The following ADK variants were observed in gnomAD, a reference collection of about 807,000 sequenced individuals.
ADK encodes the protein adenosine kinase, also known as N6,N6-dimethyladenosine kinase.
A neutral mutation model predicts 44.7 loss-of-function variants in ADK; 24 were observed. That is an observed-to-expected ratio of 0.54 (90% CI 0.39 to 0.76). The LOEUF (loss-of-function observed/expected upper bound fraction) is 0.76. Among genes scored for constraint, ADK ranks in the 30% least tolerant of loss-of-function variants. The pLI is 0.00. For missense variants in ADK, 321 were observed against 425.1 expected (o/e 0.76, Z 2.15); for synonymous variants, 128 against 142.6 (o/e 0.90, Z 0.73).
intron 6 of ADK, among the ~76,000 whole-genome samples, chr10:74,407,430 C>T (rs1017353017): frequency 7.2e-5 from 11 of 152,152 alleles, no homozygotes; most frequent in African/African-American, 2.7e-4. Context: ...CTTATGTTGT[C>T]ATGTGCTTTC....
Position 74,701,720 on chromosome 10 carries a change from G to A in ADK, c.965-6601G>A, listed in dbSNP as rs148284673. On this transcript the variant is annotated intron_variant, in intron 10 of 10. Transcript: ENST00000539909. ...AGCACTTTGGGAGGCTGAGGTGGGC[G>A]GATCACCTTAGGTTGGGAGTCTGAG... Among the ~76,000 whole-genome samples, 140 of 152,258 alleles carry A rather than the reference G, an allele frequency of 9.2e-4. No individual in the cohort carries two copies. In the East Asian group the frequency reaches 0.014, roughly 15 times the overall value.
intron 6 of ADK, among the ~76,000 whole-genome samples, chr10:74,467,585 C>T (rs574817507): frequency 6.6e-6 from 1 of 152,072 alleles, no homozygotes; most frequent in South Asian, 2.1e-4. Context: ...CAGATAATTT[C>T]ATAGTAGAAT....
chr10:74,695,619 G>GGGT (rs1480624866), intron 10 of ADK, among the ~76,000 whole-genome samples: 1,304 of 90,096 alleles, frequency 0.014, 20 homozygotes, highest in South Asian at 0.036. Flanking sequence ...GTATGTGTGG[G>GGGT]GTGTGTGTGT....
chr10:74,509,737 TC>T (rs2133508452), intron 6 of ADK, among the ~76,000 whole-genome samples: 1 of 152,280 alleles, frequency 6.6e-6, no homozygotes, highest in South Asian at 2.1e-4. Flanking sequence ...ATCCTTCCTT[TC>T]CCCCTACTTT....
Position 74,201,550 on chromosome 10 carries a change from T to C in ADK, c.140+712T>C, listed in dbSNP as rs372246386. ...TTAGTTAGTTGTTGTTAATCTCTTA[T>C]TGTGCCTAATTTATAAATGAAACTT... On this transcript the variant is annotated intron_variant, in intron 2 of 10. Coordinates refer to ENST00000539909, the MANE Select transcript of ADK (RefSeq NM_006721.4). Among the ~76,000 whole-genome samples the C allele has an allele frequency of 4.4e-4, 67 of 152,298 alleles. 2 individuals are homozygous for C. The highest frequency in any genetic ancestry group is 1.3e-3 in the African/African-American group (56 of 41,568).
chr10:74,622,735 C>T (rs1371391847), intron 9 of ADK, among the ~76,000 whole-genome samples: 2 of 152,120 alleles, frequency 1.3e-5, no homozygotes, highest in African/African-American at 4.8e-5. Context: ...CGGCCTGGTG[C>T]GGTGGCTCAT....
intron 7 of ADK, among the ~76,000 whole-genome samples, chr10:74,574,003 GCTGCACCCACTGTC>G (rs1564799857): frequency 9.9e-5 from 15 of 152,126 alleles, no homozygotes. Context: ...CGCACAGTGC[GCTGCACCCACTGTC>G]CTGCGCCCAC....
chr10:74,546,704 T>A (rs1849829767), intron 7 of ADK, among the ~76,000 whole-genome samples: 2 of 152,120 alleles, frequency 1.3e-5, no homozygotes, highest in Admixed American at 6.5e-5. Flanking sequence ...AGGAAAATAA[T>A]TGGGAATGTA....
At chr10:74,592,381 G>A (rs1447611274) in intron 8 of ADK, among the ~76,000 whole-genome samples, 1 of 152,048 alleles carries the variant, frequency 6.6e-6, no homozygotes, top group Non-Finnish European at 1.5e-5. Flanking sequence ...GTGCTCAAAA[G>A]CATGTTTCAT....
chr10:74,401,102 CA>C (rs1217826580), intron 6 of ADK, among the ~76,000 whole-genome samples: 1 of 152,112 alleles, frequency 6.6e-6, no homozygotes, highest in East Asian at 1.9e-4. Context: ...ATGTTTAAAC[CA>C]GCTTCTCAGA....
chr10:74,359,581 A>T (rs570080866), intron 4 of ADK, among the ~76,000 whole-genome samples: 1 of 152,156 alleles, frequency 6.6e-6, no homozygotes, highest in South Asian at 2.1e-4. Flanking sequence ...ATGGTAGCAT[A>T]CACTTGTAGT....
At position 74,272,878 on chromosome 10, in the gene ADK, A is replaced by G. The variant is rs181559543; in HGVS notation, c.195-41789A>G. Among the ~76,000 whole-genome samples, 60 of 152,110 alleles carry G rather than the reference A, an allele frequency of 3.9e-4. No homozygotes were observed. In the East Asian group the frequency reaches 0.011, roughly 28 times the overall value. ...ACCCCTGTTCAACTTCAGTCAGCCC[A>G]TGGTCTATAGTATACCTCTCACAAG... is the stretch of plus-strand genomic sequence containing the variant. On this transcript the variant is annotated intron_variant, in intron 3 of 10. Transcript: ENST00000539909.
In ADK at chr10:74,693,367, C is replaced by T. The variant is rs143715722; in HGVS notation, c.965-14954C>T. Among the ~76,000 whole-genome samples, 1,238 of 152,206 alleles carry T rather than the reference C, an allele frequency of 8.1e-3. 22 individuals are homozygous for T. The highest frequency in any genetic ancestry group is 0.028 in the African/African-American group (1,154 of 41,534). On this transcript the variant is annotated intron_variant, in intron 10 of 10. Transcript: ENST00000539909. Reference sequence around the variant, plus strand: ...AAACCCAAGTGGGAAAACCTTTCTTCGATCCATCTTATTCTACTGACATCT... The same window carrying T: ...AAACCCAAGTGGGAAAACCTTTCTTTGATCCATCTTATTCTACTGACATCT...
At chr10:74,599,769 A>C (rs1463690118) in intron 8 of ADK, among the ~76,000 whole-genome samples, 3 of 152,172 alleles carry the variant, frequency 2.0e-5, no homozygotes, top group African/African-American at 7.2e-5. Context: ...CATTTTTTAA[A>C]CTTTATCTTT....
chr10:74,603,323 A>G (rs1050084855), intron 9 of ADK, among the ~76,000 whole-genome samples: 13 of 152,074 alleles, frequency 8.5e-5, no homozygotes, highest in African/African-American at 2.9e-4. Flanking sequence ...TTTGTTACAT[A>G]GTTATACACA....
At chr10:74,437,521 A>AT (rs1353360458) in intron 6 of ADK, among the ~76,000 whole-genome samples, 2 of 151,958 alleles carry the variant, frequency 1.3e-5, no homozygotes, top group African/African-American at 2.4e-5. Context: ...GTCATCCTTG[A>AT]TTTTTTCTTT....
At chr10:74,631,101 C>G (rs1471746734) in intron 9 of ADK, among the ~76,000 whole-genome samples, 1 of 152,034 alleles carries the variant, frequency 6.6e-6, no homozygotes, top group African/African-American at 2.4e-5. Context: ...ACCACAAGAT[C>G]TCCAGGTTCA....
rs919225213 is a variant in ADK at position 74,376,465 on chromosome 10, A to G, written c.274-17676A>G. Among the ~76,000 whole-genome samples the G allele has an allele frequency of 7.9e-5, 12 of 152,234 alleles. No individual in the cohort carries two copies. In the South Asian group the frequency reaches 1.2e-3, roughly 16 times the overall value. Reference sequence around the variant, plus strand: ...AATGAGCTCCACGTTTCTATTCTCTATCTAGCTTCAGTAATTATTTACATT... The same window carrying G: ...AATGAGCTCCACGTTTCTATTCTCTGTCTAGCTTCAGTAATTATTTACATT... On this transcript the variant is annotated intron_variant, in intron 4 of 10. Transcript: ENST00000539909.
chr10:74,264,576 T>G (rs573713091), intron 3 of ADK, among the ~76,000 whole-genome samples: 1 of 152,344 alleles, frequency 6.6e-6, no homozygotes, highest in East Asian at 1.9e-4. Flanking sequence ...GTGCCTAGTA[T>G]GTGACTTGTC....
Sources: allele counts gnomAD v4.1 joint callset (sites outside exome capture counted in the v4.1 genomes callset), GRCh38; gene constraint gnomAD v4.1.1; transcripts MANE v1.5; gene names NCBI Gene and HGNC (gene_info 2026-07-23, HGNC 2026-07-21).